C12orf42: variants seen among roughly 807,000 people sequenced by gnomAD.
C12orf42 encodes uncharacterized protein C12orf42.
A neutral mutation model predicts 21.6 loss-of-function variants in C12orf42; 25 were observed. That is an observed-to-expected ratio of 1.16 (90% CI 0.84 to 1.62). C12orf42 has a LOEUF of 1.62. Among genes scored for constraint, C12orf42 ranks in the 40% most tolerant of loss-of-function variants. The pLI is 0.00. For missense variants in C12orf42, 483 were observed against 459.3 expected (o/e 1.05, Z -0.47); for synonymous variants, 174 against 175.0 (o/e 0.99, Z 0.05).
At chr12:103,222,121 C>T in the C12orf42 span, among the ~76,000 whole-genome samples, 7 of 152,254 alleles carry the variant, frequency 4.6e-5, no homozygotes, top group African/African-American at 1.4e-4. Flanking sequence ...GTTTTTCATG[C>T]GCGTCCCTGT....
intron 10 of C12orf42, among the ~76,000 whole-genome samples, chr12:103,255,394 A>C (rs1170024381): frequency 1.3e-5 from 2 of 152,060 alleles, no homozygotes; most frequent in Non-Finnish European, 2.9e-5. Flanking sequence ...AAAAACAAAA[A>C]AATGTGTGTG....
intron 4 of C12orf42, among the ~76,000 whole-genome samples, chr12:103,338,703 C>T (rs73387713): frequency 6.2e-4 from 94 of 152,234 alleles, no homozygotes; most frequent in African/African-American, 2.1e-3. Flanking sequence ...GTTCCTGGGT[C>T]CCTGGCACTT....
chr12:103,188,989 T>C, the C12orf42 span, among the ~76,000 whole-genome samples: 1 of 152,222 alleles, frequency 6.6e-6, no homozygotes, highest in African/African-American at 2.4e-5. Flanking sequence ...AGTGTGTTAA[T>C]ATCACTTTAG....
At chr12:103,423,394 T>C (rs758947888) in intron 2 of C12orf42, among the ~76,000 whole-genome samples, 2 of 152,210 alleles carry the variant, frequency 1.3e-5, no homozygotes, top group Non-Finnish European at 2.9e-5. Flanking sequence ...TGAGGCTTAA[T>C]TACATTAAAG....
chr12:103,225,927 C>T, the C12orf42 span, among the ~76,000 whole-genome samples: 2 of 152,178 alleles, frequency 1.3e-5, no homozygotes, highest in Non-Finnish European at 2.9e-5. Context: ...CCTAGGCGAT[C>T]GGGCAGTGTC....
chr12:103,386,933 C>T (rs1327964409), intron 3 of C12orf42, among the ~76,000 whole-genome samples: 1 of 152,188 alleles, frequency 6.6e-6, no homozygotes, highest in Non-Finnish European at 1.5e-5. Flanking sequence ...TCCCGTTAAA[C>T]CAAAGTCACA....
At chr12:103,290,430 C>T (rs1702515360) in intron 4 of C12orf42, among the ~76,000 whole-genome samples, 1 of 152,150 alleles carries the variant, frequency 6.6e-6, no homozygotes, top group Admixed American at 6.5e-5. Flanking sequence ...AGATGACACT[C>T]AAAAGAGGTT....
rs1321253724 is a variant in C12orf42 at position 103,328,243 on chromosome 12, C to A, written c.260-21898G>T. On this transcript the variant is annotated intron_variant, in intron 4 of 5. Coordinates refer to ENST00000548883, the MANE Select transcript of C12orf42 (RefSeq NM_198521.5). Reference sequence around the variant, plus strand: ...TGCCTTCAGATATCGACCCCTGAACCAATATCACAATGCAGGGAGAACTAA... The same window carrying A: ...TGCCTTCAGATATCGACCCCTGAACAAATATCACAATGCAGGGAGAACTAA... Among the ~76,000 whole-genome samples, 3 of 152,160 alleles carry A rather than the reference C, an allele frequency of 2.0e-5. No homozygotes were observed. The East Asian group carries it at 5.8e-4, about 29-fold the overall frequency.
At chr12:103,289,554 C>T (rs2036667036) in intron 4 of C12orf42, among the ~76,000 whole-genome samples, 1 of 151,788 alleles carries the variant, frequency 6.6e-6, no homozygotes, top group Admixed American at 6.6e-5. Flanking sequence ...AAAATTTTTC[C>T]TATAGTGAAA....
the C12orf42 span, among the ~76,000 whole-genome samples, chr12:103,101,194 C>T: frequency 6.6e-6 from 1 of 152,158 alleles, no homozygotes; most frequent in Non-Finnish European, 1.5e-5. Context: ...TTTTGAGTAG[C>T]ATACATTATG....
chr12:103,136,405 C>T, the C12orf42 span, among the ~76,000 whole-genome samples: 1,725 of 152,246 alleles, frequency 0.011, 34 homozygotes, highest in African/African-American at 0.039. Flanking sequence ...ACATTCTATG[C>T]TCATGGATTG....
chr12:103,526,919 G>A, the C12orf42 span, among the ~76,000 whole-genome samples: 3 of 152,282 alleles, frequency 2.0e-5, no homozygotes, highest in African/African-American at 7.2e-5. Context: ...AGATCACGCA[G>A]CTACCAAACA....
intron 10 of C12orf42, among the ~76,000 whole-genome samples, chr12:103,251,901 G>T (rs560710427): frequency 6.6e-6 from 1 of 152,212 alleles, no homozygotes; most frequent in East Asian, 1.9e-4. Context: ...GACCACCAAG[G>T]TGTCTTTTAA....
At chr12:103,252,965 C>T (rs957873698) in intron 10 of C12orf42, among the ~76,000 whole-genome samples, 14 of 152,052 alleles carry the variant, frequency 9.2e-5, no homozygotes, top group African/African-American at 3.4e-4. Flanking sequence ...TTTAATCCAT[C>T]TTGAGTTAAT....
intron 4 of C12orf42, among the ~76,000 whole-genome samples, chr12:103,334,251 T>C (rs2041491642): frequency 6.6e-6 from 1 of 152,208 alleles, no homozygotes; most frequent in African/African-American, 2.4e-5. Flanking sequence ...TGGCGTATCC[T>C]GAGTTTAAAC....
chr12:103,313,083 A>G (rs887333620), intron 4 of C12orf42, among the ~76,000 whole-genome samples: 1 of 152,154 alleles, frequency 6.6e-6, no homozygotes, highest in African/African-American at 2.4e-5. Flanking sequence ...TAGCATGTTC[A>G]TGTTATGAAA....
At chr12:103,047,766 C>T in the C12orf42 span, among the ~76,000 whole-genome samples, 2 of 152,142 alleles carry the variant, frequency 1.3e-5, no homozygotes, top group South Asian at 4.2e-4. Context: ...TGGGCTGGCT[C>T]ATCTAGAATG....
chr12:103,170,046 A>G, the C12orf42 span, among the ~76,000 whole-genome samples: 2 of 152,158 alleles, frequency 1.3e-5, no homozygotes, highest in African/African-American at 4.8e-5. Flanking sequence ...AAGAAGCTAA[A>G]AGGCAAGACA....
At chr12:103,562,077 G>C in the C12orf42 span, among the ~76,000 whole-genome samples, 1 of 152,208 alleles carries the variant, frequency 6.6e-6, no homozygotes, top group Admixed American at 6.5e-5. Context: ...GGATTTCTGA[G>C]TCAGGGCTGG....
Sources: allele counts gnomAD v4.1 joint callset (sites outside exome capture counted in the v4.1 genomes callset), GRCh38; gene constraint gnomAD v4.1.1; transcripts MANE v1.5; gene names NCBI Gene and HGNC (gene_info 2026-07-23, HGNC 2026-07-21).